The following CADPS2 variants were observed in gnomAD, a reference collection of about 807,000 sequenced individuals.
CADPS2 encodes calcium-dependent secretion activator 2.
CADPS2 carries 93 observed loss-of-function variants against 172.5 expected under a neutral mutation model. The ratio of observed to expected loss-of-function variants is 0.54; its 90% CI spans 0.46 to 0.64. The LOEUF is 0.64. CADPS2 is among the 30% of genes least tolerant of loss of function. The pLI is 0.00. For synonymous variants in CADPS2, 546 were observed against 555.2 expected (o/e 0.98, Z 0.23); for missense variants, 1,420 against 1,565.9 (o/e 0.91, Z 1.57).
chr7:122,473,161 C>T (rs546688879), intron 13 of CADPS2, among the ~76,000 whole-genome samples: 10 of 152,236 alleles, frequency 6.6e-5, no homozygotes, highest in Non-Finnish European at 4.4e-5. Flanking sequence ...ACACAGTAGT[C>T]TACTACTGTG....
chr7:122,677,067 T>C (rs2082450710), intron 2 of CADPS2, among the ~76,000 whole-genome samples: 1 of 152,196 alleles, frequency 6.6e-6, no homozygotes, highest in Non-Finnish European at 1.5e-5. Flanking sequence ...ATTTGTTCAA[T>C]AAATGTTTAC....
At chr7:122,493,829 T>C (rs2058516015) in intron 9 of CADPS2, among the ~76,000 whole-genome samples, 1 of 151,908 alleles carries the variant, frequency 6.6e-6, no homozygotes, top group African/African-American at 2.4e-5. Context: ...TTATATTCGA[T>C]AAACATTTGA....
chr7:122,320,705 GC>G (rs2032243526), intron 29 of CADPS2, among the ~76,000 whole-genome samples: 1 of 152,016 alleles, frequency 6.6e-6, no homozygotes, highest in Admixed American at 6.5e-5. Flanking sequence ...AATTGAGGGG[GC>G]TTTCCTTTAA....
At chr7:122,744,144 A>G (rs1462164088) in intron 1 of CADPS2, among the ~76,000 whole-genome samples, 1 of 152,240 alleles carries the variant, frequency 6.6e-6, no homozygotes, top group Non-Finnish European at 1.5e-5. Flanking sequence ...ACAGGTGGCT[A>G]AAGTAAACAC....
At chr7:122,420,149 A>C (rs1452714522) in intron 17 of CADPS2, among the ~76,000 whole-genome samples, 1 of 152,194 alleles carries the variant, frequency 6.6e-6, no homozygotes, top group African/African-American at 2.4e-5. Context: ...GACTTGAATT[A>C]CTATAATTCT....
At chr7:122,652,365 T>C (rs949204956) in intron 3 of CADPS2, among the ~76,000 whole-genome samples, 4 of 152,210 alleles carry the variant, frequency 2.6e-5, no homozygotes, top group African/African-American at 7.2e-5. Context: ...ACATTTGTTT[T>C]AGGAAAGGCA....
intron 5 of CADPS2, among the ~76,000 whole-genome samples, chr7:122,616,731 A>C (rs1015051913): frequency 7.9e-5 from 12 of 152,136 alleles, no homozygotes; most frequent in African/African-American, 2.9e-4. Context: ...TCATCAGGGA[A>C]ATTGGGATGA....
chr7:122,423,668 A>G (rs572177506), intron 17 of CADPS2, among the ~76,000 whole-genome samples: 1 of 152,322 alleles, frequency 6.6e-6, no homozygotes, highest in South Asian at 2.1e-4. Context: ...TACTGCTTTC[A>G]TCAATGAATG....
intron 1 of CADPS2, among the ~76,000 whole-genome samples, chr7:122,828,063 T>C (rs1805452912): frequency 6.6e-6 from 1 of 152,206 alleles, no homozygotes; most frequent in African/African-American, 2.4e-5. Flanking sequence ...GTTCTATTAA[T>C]GTTCACTTCA....
chr7:122,624,191 C>T (rs758774757), intron 4 of CADPS2, among the ~76,000 whole-genome samples: 3 of 152,116 alleles, frequency 2.0e-5, no homozygotes, highest in Non-Finnish European at 4.4e-5. Flanking sequence ...GTATATCAGA[C>T]AAATGTACAT....
intron 17 of CADPS2, among the ~76,000 whole-genome samples, chr7:122,418,995 G>A (rs1040414085): frequency 3.9e-5 from 6 of 152,026 alleles, no homozygotes; most frequent in Non-Finnish European, 7.4e-5. Flanking sequence ...CTTAAAATTG[G>A]ACCTTCTCAG....
At chr7:122,368,890 C>T (rs2041335355) in intron 25 of CADPS2, among the ~76,000 whole-genome samples, 1 of 151,972 alleles carries the variant, frequency 6.6e-6, no homozygotes, top group Admixed American at 6.5e-5. Flanking sequence ...ACCCAATACC[C>T]CCACTTTTTT....
chr7:122,500,107 G>T (rs1438179497), intron 9 of CADPS2, among the ~76,000 whole-genome samples: 1 of 152,106 alleles, frequency 6.6e-6, no homozygotes, highest in Non-Finnish European at 1.5e-5. Flanking sequence ...CACCTGAACT[G>T]CCAAGCAGAA....
In CADPS2 at chr7:122,345,618, G is replaced by T. The variant is rs200528100; in HGVS notation, c.3568C>A (p.Arg1190=). Reference sequence around the variant, plus strand: ...TACATTTCCTCATTGACCTTTTCTCGAAGAATATCTTGGTTTTGCCGAACA... The same window carrying T: ...TACATTTCCTCATTGACCTTTTCTCTAAGAATATCTTGGTTTTGCCGAACA... ...MFVRQNQDIL[R]EKVNEEMYIE... is the part of the protein sequence containing the mutation. Residue 1190 remains arginine (R), a synonymous_variant, in exon 28 of 30, where the codon CGA becomes AGA. Coordinates refer to ENST00000449022, the MANE Select transcript of CADPS2 (RefSeq NM_017954.11). The T allele has an allele frequency of 1.2e-6, 2 of 1,613,068 alleles. No individual in the cohort carries two copies. The highest frequency in any genetic ancestry group is 1.7e-6 in the Non-Finnish European group (2 of 1,179,326).
chr7:122,497,960 G>A (rs1361589191), intron 9 of CADPS2, among the ~76,000 whole-genome samples: 2 of 152,032 alleles, frequency 1.3e-5, no homozygotes, highest in Non-Finnish European at 2.9e-5. Context: ...TTCTCCTCTT[G>A]TAATTTGCTT....
At chr7:122,705,590 AT>A (rs1400884186) in intron 2 of CADPS2, among the ~76,000 whole-genome samples, 3 of 109,398 alleles carry the variant, frequency 2.7e-5, no homozygotes, top group Admixed American at 1.3e-4. Context: ...ATATTATATA[AT>A]ATATTTTATA....
chr7:122,579,732 G>A (rs1020194005), intron 7 of CADPS2, among the ~76,000 whole-genome samples: 2 of 151,870 alleles, frequency 1.3e-5, no homozygotes, highest in African/African-American at 4.8e-5. Context: ...ATTAGATTAT[G>A]CTACCTGCAC....
intron 24 of CADPS2, chr7:122,382,105 T>C (rs1226286970): frequency 6.6e-6 from 1 of 152,104 alleles, no homozygotes; most frequent in East Asian, 1.9e-4. Context: ...CATACATAGG[T>C]ATACAAAATT....
chr7:122,358,276 G>C (rs2039679956), intron 27 of CADPS2, among the ~76,000 whole-genome samples: 1 of 151,974 alleles, frequency 6.6e-6, no homozygotes, highest in African/African-American at 2.4e-5. Flanking sequence ...CTTTCTTGTT[G>C]CAGTGCCTGT....
Sources: gnomAD v4.1 joint callset for allele counts (sites outside exome capture counted in the v4.1 genomes callset) on GRCh38, gnomAD v4.1.1 for gene constraint, MANE v1.5 for transcripts, NCBI Gene and HGNC (gene_info 2026-07-23, HGNC 2026-07-21) for gene names.